DAB1: variants seen among roughly 807,000 people sequenced by gnomAD.
The protein encoded by DAB1 is disabled homolog 1.
DAB1 carries 15 observed loss-of-function variants against 64.6 expected under a neutral mutation model. The ratio of observed to expected loss-of-function variants is 0.23; its 90% CI spans 0.16 to 0.36. DAB1 has a LOEUF of 0.36. Ranked by LOEUF, DAB1 falls within the 10% of genes least tolerant of loss-of-function variation. The pLI is 1.00. For synonymous variants in DAB1, 235 were observed against 251.9 expected (o/e 0.93, Z 0.64); for missense variants, 596 against 706.7 (o/e 0.84, Z 1.78).
chr1:57,404,722 T>A (rs1338049282), intron 1 of DAB1, among the ~76,000 whole-genome samples: 2 of 152,218 alleles, frequency 1.3e-5, no homozygotes, highest in Non-Finnish European at 2.9e-5. Flanking sequence ...CTATATGCAA[T>A]GGATCCTTGC....
chr1:57,801,613 C>T (rs975582848), intron 6 of DAB1, among the ~76,000 whole-genome samples: 2 of 152,054 alleles, frequency 1.3e-5, no homozygotes, highest in Non-Finnish European at 1.5e-5. Flanking sequence ...TGAAAAGGTC[C>T]TTCCTCTTCC....
intron 1 of DAB1, among the ~76,000 whole-genome samples, chr1:57,422,053 G>A (rs1684954036): frequency 6.6e-6 from 1 of 152,098 alleles, no homozygotes; most frequent in South Asian, 2.1e-4. Flanking sequence ...GGTGGGGATG[G>A]TTTGTAATTT....
chr1:58,357,436 G>C (rs1022027184), intron 3 of DAB1, among the ~76,000 whole-genome samples: 1 of 152,120 alleles, frequency 6.6e-6, no homozygotes, highest in Non-Finnish European at 1.5e-5. Context: ...AGCCTAGAGG[G>C]TCAAGAGTTG....
At chr1:58,455,184 G>A (rs1008166987) in intron 3 of DAB1, among the ~76,000 whole-genome samples, 2 of 152,236 alleles carry the variant, frequency 1.3e-5, no homozygotes, top group African/African-American at 4.8e-5. Flanking sequence ...GGGAAGGAAA[G>A]GCAGCCAGGG....
rs1553170275 is a variant in DAB1 at position 58,247,265 on chromosome 1, C to CA, written n.309+96086_309+96087insT. Among the ~76,000 whole-genome samples the CA allele has an allele frequency of 1.7e-3, 201 of 118,656 alleles. 3 individuals carry two copies. The highest frequency in any genetic ancestry group is 5.6e-3 in the African/African-American group (195 of 34,774). 77.8% of individuals were successfully genotyped at this position (118,656 alleles called of 152,430 possible). A position where few individuals can be genotyped will look rare whatever the true frequency, so the allele number is the denominator to read the frequency against. ...TACTATTCATTTTTCATTTCCCCCC[C>CA]CGCCAGGTTAAATAAATAAATAAAT... On this transcript the variant is annotated intron_variant and non_coding_transcript_variant, in intron 4 of 20. Transcript: ENST00000485760.
intron 5 of DAB1, among the ~76,000 whole-genome samples, chr1:57,911,023 T>C (rs1328400965): frequency 1.3e-5 from 2 of 152,224 alleles, no homozygotes; most frequent in African/African-American, 2.4e-5. Context: ...CTATGATTCA[T>C]TCAGTCATCA....
chr1:58,186,605 C>A (rs899658894), intron 4 of DAB1, among the ~76,000 whole-genome samples: 1 of 152,156 alleles, frequency 6.6e-6, no homozygotes. Flanking sequence ...ACTCTGTGGG[C>A]AGACATCTGT....
intron 6 of DAB1, among the ~76,000 whole-genome samples, chr1:57,654,129 G>T (rs1050632327): frequency 6.6e-6 from 1 of 152,080 alleles, no homozygotes; most frequent in East Asian, 1.9e-4. Flanking sequence ...TGGCCATTTA[G>T]GTTTTCCCTT....
intron 1 of DAB1, among the ~76,000 whole-genome samples, chr1:57,851,581 C>G (rs865792560): frequency 9.2e-5 from 14 of 152,184 alleles, no homozygotes; most frequent in Admixed American, 1.3e-4. Context: ...CGGGTTTCCA[C>G]ATCTCCTTCC....
intron 5 of DAB1, among the ~76,000 whole-genome samples, chr1:58,090,410 C>T (rs945902268): frequency 2.6e-5 from 4 of 152,158 alleles, no homozygotes; most frequent in African/African-American, 9.7e-5. Flanking sequence ...GTCGCAAGAA[C>T]ACTTTTGGTA....
chr1:58,497,571 A>C (rs1269591937), intron 3 of DAB1, among the ~76,000 whole-genome samples: 1 of 151,964 alleles, frequency 6.6e-6, no homozygotes, highest in Non-Finnish European at 1.5e-5. Context: ...TTTTCTACTA[A>C]TTATTTTGGG....
intron 2 of DAB1, among the ~76,000 whole-genome samples, chr1:57,257,387 T>C (rs977169329): frequency 4.6e-5 from 7 of 152,222 alleles, no homozygotes; most frequent in Non-Finnish European, 1.0e-4. Flanking sequence ...GATTAAAAAC[T>C]TAATGCCTAG....
At chr1:58,085,608 TC>T (rs1199578794) in intron 5 of DAB1, among the ~76,000 whole-genome samples, 1 of 151,518 alleles carries the variant, frequency 6.6e-6, no homozygotes, top group African/African-American at 2.4e-5. Flanking sequence ...ACTCAAGCAA[TC>T]CCCCCATCTC....
At chr1:57,966,504 C>G (rs949968241) in intron 5 of DAB1, among the ~76,000 whole-genome samples, 1 of 152,174 alleles carries the variant, frequency 6.6e-6, no homozygotes, top group Non-Finnish European at 1.5e-5. Flanking sequence ...GACTTTTCAC[C>G]TCAGCTCACC....
chr1:58,034,401 G>A (rs1034963010), intron 5 of DAB1, among the ~76,000 whole-genome samples: 1 of 152,186 alleles, frequency 6.6e-6, no homozygotes, highest in African/African-American at 2.4e-5. Flanking sequence ...GACTAATATT[G>A]CAGCCTGAGC....
At chr1:58,197,562 T>A (rs1037902201) in intron 4 of DAB1, among the ~76,000 whole-genome samples, 1 of 151,904 alleles carries the variant, frequency 6.6e-6, no homozygotes, top group Non-Finnish European at 1.5e-5. Context: ...CAGCTAGTTT[T>A]TTTTGTGTTT....
chr1:57,314,997 A>C (rs1558149275), intron 1 of DAB1, among the ~76,000 whole-genome samples: 1 of 152,194 alleles, frequency 6.6e-6, no homozygotes, highest in African/African-American at 2.4e-5. Context: ...TTTAAATAAG[A>C]CCAGAAATTC....
At chr1:58,124,522 T>G (rs1056510736) in intron 5 of DAB1, among the ~76,000 whole-genome samples, 12 of 152,174 alleles carry the variant, frequency 7.9e-5, no homozygotes, top group African/African-American at 2.9e-4. Flanking sequence ...ACCTAAATAA[T>G]ATTTTGATAT....
intron 6 of DAB1, among the ~76,000 whole-genome samples, chr1:57,819,701 A>G (rs1437636346): frequency 1.3e-5 from 2 of 152,196 alleles, no homozygotes; most frequent in Non-Finnish European, 2.9e-5. Context: ...CTGCATTCCC[A>G]TTTATCTTGT....
Sources: allele counts gnomAD v4.1 joint callset (sites outside exome capture counted in the v4.1 genomes callset), GRCh38; gene constraint gnomAD v4.1.1; transcripts MANE v1.5; gene names NCBI Gene and HGNC (gene_info 2026-07-23, HGNC 2026-07-21).